MCOLN2: variants seen among roughly 807,000 people sequenced by gnomAD.
The protein encoded by MCOLN2 is mucolipin-2.
In MCOLN2, 57 loss-of-function variants were observed where a neutral mutation model predicts 67.5. The observed-to-expected ratio is 0.84, with a 90% CI of 0.68 to 1.05. MCOLN2 has a LOEUF of 1.05. MCOLN2 is among the 50% of genes least tolerant of loss of function. The probability of loss-of-function intolerance (pLI) is 0.00; values close to 1 mark genes in which losing one functional copy is unlikely to be tolerated. For missense variants in MCOLN2, 620 were observed against 678.8 expected (o/e 0.91, Z 0.96); for synonymous variants, 246 against 233.3 (o/e 1.05, Z -0.50).
At chr1:84,986,267 G>A (rs538146139) in intron 1 of MCOLN2, among the ~76,000 whole-genome samples, 18 of 152,330 alleles carry the variant, frequency 1.2e-4, no homozygotes, top group South Asian at 4.1e-4. Context: ...TGGGCCGGGC[G>A]TGGTAGTTCA....
At chr1:84,933,202 T>C (rs997444961) in intron 11 of MCOLN2, among the ~76,000 whole-genome samples, 1 of 152,220 alleles carries the variant, frequency 6.6e-6, no homozygotes, top group Non-Finnish European at 1.5e-5. Context: ...TAGTCCTTTC[T>C]CTGCACTCCG....
At chr1:84,983,172 A>T (rs1650342729) in intron 1 of MCOLN2, among the ~76,000 whole-genome samples, 1 of 152,116 alleles carries the variant, frequency 6.6e-6, no homozygotes, top group Non-Finnish European at 1.5e-5. Context: ...CCAGCAACCC[A>T]AATCTGTGTG....
intron 7 of MCOLN2, among the ~76,000 whole-genome samples, chr1:84,946,387 T>C (rs1237196969): frequency 6.6e-6 from 1 of 152,224 alleles, no homozygotes; most frequent in Non-Finnish European, 1.5e-5. Flanking sequence ...ATGTGCCAAC[T>C]CTTGTGTTCA....
Position 84,965,566 on chromosome 1 carries a change from C to A in MCOLN2, c.220G>T (p.Val74Phe). The A allele has an allele frequency of 6.2e-7, 1 of 1,613,944 alleles. No homozygotes were observed. The highest frequency in any genetic ancestry group is 8.5e-7 in the Non-Finnish European group (1 of 1,179,928). Residue 74 changes from valine (V) to phenylalanine (F), a missense_variant, in exon 2 of 14, where the codon GTC becomes TTC. Coordinates refer to ENST00000370608, the MANE Select transcript of MCOLN2 (RefSeq NM_153259.4). ...TAGGTTACCTGTGTGGTGACCATGACTATCTTCAAAATCTGCAAACCCAGT... is the reference window on the plus strand; with the variant it reads ...TAGGTTACCTGTGTGGTGACCATGAATATCTTCAAAATCTGCAAACCCAGT... ...WKLGLQILKI[V>F]MVTTQLVRFG...
intron 13 of MCOLN2, 29 bp from the exon 14 acceptor site, chr1:84,926,750 G>A: frequency 6.4e-7 from 1 of 1,559,980 alleles, no homozygotes; most frequent in Non-Finnish European, 8.8e-7. Context: ...GAAGAAAAGA[G>A]GAAAGATACA....
rs1570939672 is a variant in MCOLN2, at chr1:84,929,613, C to G, written c.1609G>C (p.Glu537Gln). 1.9e-6 allele frequency: 3 copies of G among 1,613,894 alleles called. No individual in the cohort carries two copies. Among genetic ancestry groups the G allele is most frequent in the East Asian group, 4.5e-5 (2 of 44,848 alleles). Residue 537 changes from glutamate (E) to glutamine (Q), a missense_variant, in exon 13 of 14, where the codon GAA becomes CAA. By Grantham distance (29) the Glu-to-Gln change is conservative. Coordinates refer to ENST00000370608, the MANE Select transcript of MCOLN2 (RefSeq NM_153259.4). Reference sequence around the variant, plus strand: ...GCTGAGGACTCTTTCTGATACTCTTCTTTGCTACTGCATTCCTTCAGGAAT... The same window carrying G: ...GCTGAGGACTCTTTCTGATACTCTTGTTTGCTACTGCATTCCTTCAGGAAT... ...QEFLKECSSK[E>Q]EYQKESSAFL...
intron 6 of MCOLN2, among the ~76,000 whole-genome samples, chr1:84,951,834 A>G (rs1232102068): frequency 1.3e-5 from 2 of 152,236 alleles, no homozygotes; most frequent in Non-Finnish European, 2.9e-5. Context: ...GCATTTTGGG[A>G]GGCCGAGGCA....
chr1:84,944,363 T>C (rs1246698997), intron 7 of MCOLN2, among the ~76,000 whole-genome samples: 1 of 152,188 alleles, frequency 6.6e-6, no homozygotes, highest in African/African-American at 2.4e-5. Flanking sequence ...TGAAACTCTG[T>C]CTCTACTAAA....
chr1:84,969,948 G>A (rs969171193), intron 1 of MCOLN2, among the ~76,000 whole-genome samples: 1 of 152,180 alleles, frequency 6.6e-6, no homozygotes, highest in African/African-American at 2.4e-5. Context: ...AGTGCTACGG[G>A]GGCATGTGAC....
rs1661307162 is a variant in MCOLN2, at chr1:84,929,624, C to A, written c.1598G>T (p.Cys533Phe). The A allele has an allele frequency of 1.9e-6, 3 of 1,613,714 alleles. No homozygotes were observed. Among genetic ancestry groups the A allele is most frequent in the Admixed American group, 3.3e-5 (2 of 59,986 alleles). ...ETDLQEFLKE[C>F]SSKEEYQKES... is the part of the protein sequence containing the mutation. ...TTTCTGATACTCTTCTTTGCTACTG[C>A]ATTCCTTCAGGAATTCCTGCAAATC... The change falls in exon 13 of 14, where the codon TGC (cysteine) becomes TTC (phenylalanine). Residue 533 changes from cysteine (C) to phenylalanine (F), a missense_variant. Transcript: ENST00000370608.
intron 1 of MCOLN2, among the ~76,000 whole-genome samples, chr1:84,976,059 A>G (rs1050521122): frequency 2.6e-5 from 4 of 152,144 alleles, no homozygotes; most frequent in African/African-American, 9.7e-5. Context: ...CAAAATGGCA[A>G]ATTTAAGAGT....
intron 2 of MCOLN2, among the ~76,000 whole-genome samples, chr1:84,963,218 G>C (rs573341240): frequency 2.6e-5 from 4 of 152,280 alleles, no homozygotes; most frequent in Non-Finnish European, 5.9e-5. Context: ...ATTGCAATGA[G>C]GATGAAATGA....
chr1:84,989,539 T>G (rs188422559), intron 1 of MCOLN2, among the ~76,000 whole-genome samples: 2 of 152,206 alleles, frequency 1.3e-5, no homozygotes, highest in Non-Finnish European at 2.9e-5. Flanking sequence ...GAAAGAGTAT[T>G]CTCTCAAACT....
At chr1:84,964,806 G>C (rs990968310) in intron 2 of MCOLN2, among the ~76,000 whole-genome samples, 44 of 152,136 alleles carry the variant, frequency 2.9e-4, no homozygotes, top group African/African-American at 1.0e-3. Context: ...GTTCCTATGA[G>C]AATCTAATGC....
chr1:84,961,558 C>T (rs1649089484), intron 2 of MCOLN2, among the ~76,000 whole-genome samples: 1 of 151,988 alleles, frequency 6.6e-6, no homozygotes, highest in Non-Finnish European at 1.5e-5. Context: ...AATGTATGGC[C>T]CAGCATTGGG....
intron 1 of MCOLN2, among the ~76,000 whole-genome samples, chr1:84,984,384 G>A (rs1650402216): frequency 7.5e-6 from 1 of 133,302 alleles, no homozygotes; most frequent in Non-Finnish European, 1.7e-5. Flanking sequence ...CTTCCACAGA[G>A]AGACATCAAT....
At chr1:84,996,329 A>T (rs1354731361) in intron 1 of MCOLN2, among the ~76,000 whole-genome samples, 1 of 143,776 alleles carries the variant, frequency 7.0e-6, no homozygotes, top group African/African-American at 2.6e-5. Flanking sequence ...AATGACACAC[A>T]ATTTTGTTTC....
intron 1 of MCOLN2, among the ~76,000 whole-genome samples, chr1:84,988,497 A>G (rs536933928): frequency 2.2e-4 from 34 of 152,308 alleles, no homozygotes; most frequent in African/African-American, 7.9e-4. Context: ...ACTTTGCTCT[A>G]AAGTATACTG....
chr1:84,931,022 T>C (rs1661378579), intron 12 of MCOLN2, among the ~76,000 whole-genome samples: 1 of 152,188 alleles, frequency 6.6e-6, no homozygotes, highest in South Asian at 2.1e-4. Flanking sequence ...CGGTCACCTC[T>C]CATCCCTGAA....
Sources: allele counts gnomAD v4.1 joint callset (sites outside exome capture counted in the v4.1 genomes callset), GRCh38; gene constraint gnomAD v4.1.1; transcripts MANE v1.5; gene names NCBI Gene and HGNC (gene_info 2026-07-23, HGNC 2026-07-21).